The following CD200 variants were observed in gnomAD, a reference collection of about 807,000 sequenced individuals.
CD200 encodes OX-2 membrane glycoprotein.
Under a neutral mutation model 30.9 loss-of-function variants are expected in CD200, and 15 were observed. That is an observed-to-expected ratio of 0.49 (90% CI 0.32 to 0.75). CD200 has a LOEUF of 0.75. Ranked by LOEUF, CD200 falls within the 30% of genes least tolerant of loss-of-function variation. The pLI is 0.03. For synonymous variants in CD200, 134 were observed against 126.2 expected (o/e 1.06, Z -0.41); for missense variants, 262 against 324.2 (o/e 0.81, Z 1.47).
Position 112,345,007 on chromosome 3 carries a change from C to T in CD200, c.140C>T (p.Ala47Val). 6.2e-7 allele frequency: 1 copy of T among 1,614,062 alleles called. No homozygotes were observed. The highest frequency in any genetic ancestry group is 8.5e-7 in the Non-Finnish European group (1 of 1,179,962). The part of the protein sequence containing the change: ...QDEREQLYTP[A>V]SLKCSLQNAQ... ...GAAAGAGAGCAGCTGTACACACCTG[C>T]TTCCTTAAAATGCTCTCTGCAAAAT... The change falls in exon 3 of 6, where the codon GCT becomes GTT. Residue 47 changes from alanine (A) to valine (V), a missense_variant. Coordinates refer to ENST00000315711, the MANE Select transcript of CD200 (RefSeq NM_005944.7).
intron 5 of CD200, among the ~76,000 whole-genome samples, chr3:112,360,959 T>C (rs1204450681): frequency 6.6e-6 from 1 of 152,240 alleles, no homozygotes; most frequent in African/African-American, 2.4e-5. Flanking sequence ...TCTTAGGTGA[T>C]TTTCTAAACC....
chr3:112,333,730 A>C (rs1483658216), intron 1 of CD200: 2 of 985,290 alleles, frequency 2.0e-6, no homozygotes, highest in Non-Finnish European at 2.4e-6. Context: ...CCTCTTTGTT[A>C]TGCAGCCCCT....
intron 2 of CD200, among the ~76,000 whole-genome samples, chr3:112,343,704 G>A (rs2081320911): frequency 6.6e-6 from 1 of 151,820 alleles, no homozygotes; most frequent in Non-Finnish European, 1.5e-5. Flanking sequence ...TTTTTTCTTT[G>A]TAATTCTATT....
intron 4 of CD200, among the ~76,000 whole-genome samples, chr3:112,348,977 A>T (rs111268897): frequency 0.13 from 19,222 of 152,100 alleles, 1,515 homozygotes; most frequent in South Asian, 0.27. Flanking sequence ...TTACCAAAAA[A>T]CTTCCATGCT....
intron 5 of CD200, among the ~76,000 whole-genome samples, chr3:112,358,084 A>G (rs1044928585): frequency 1.3e-5 from 2 of 151,986 alleles, no homozygotes; most frequent in Admixed American, 1.3e-4. Context: ...ACACACGCGC[A>G]CACACACGCA....
At chr3:112,341,092 T>G in intron 2 of CD200, 109 bp downstream of exon 2, 1 of 675,558 alleles carries the variant, frequency 1.5e-6, no homozygotes, top group Non-Finnish European at 2.6e-6. Flanking sequence ...TCTGCATGAA[T>G]TATTTAAGCA....
intron 2 of CD200, among the ~76,000 whole-genome samples, chr3:112,341,770 T>C (rs1464366086): frequency 1.3e-5 from 2 of 152,176 alleles, no homozygotes; most frequent in Non-Finnish European, 2.9e-5. Flanking sequence ...CATCTAAGAG[T>C]TGAACTCTAG....
upstream of CD200, chr3:112,332,947 G>A (rs2081028497): frequency 5.6e-6 from 3 of 534,228 alleles, no homozygotes; most frequent in Admixed American, 1.1e-4. Flanking sequence ...CAAACACTTT[G>A]TCAGTTTCCC....
At chr3:112,346,433 C>A (rs1270315490) in intron 3 of CD200, among the ~76,000 whole-genome samples, 1 of 151,888 alleles carries the variant, frequency 6.6e-6, no homozygotes, top group Non-Finnish European at 1.5e-5. Context: ...AAGCAGATGT[C>A]TCTGAGCTTT....
intron 5 of CD200, among the ~76,000 whole-genome samples, chr3:112,351,136 G>C (rs1488858074): frequency 6.6e-6 from 1 of 152,162 alleles, no homozygotes; most frequent in African/African-American, 2.4e-5. Flanking sequence ...GAAGCCCAGA[G>C]AGGAAAGCTG....
At chr3:112,359,801 C>A (rs564251788) in intron 5 of CD200, among the ~76,000 whole-genome samples, 1 of 151,980 alleles carries the variant, frequency 6.6e-6, no homozygotes, top group African/African-American at 2.4e-5. Context: ...TATTAAAACA[C>A]GAGATTTTAG....
chr3:112,359,240 C>CT lies in CD200; in HGVS notation c.803-2296dup, dbSNP rs534101463. Among the ~76,000 whole-genome samples, 1,286 of 151,926 alleles carry CT rather than the reference C, an allele frequency of 8.5e-3. 11 individuals carry two copies. Among genetic ancestry groups the CT allele is most frequent in the African/African-American group, 0.023 (936 of 41,398 alleles). Reference sequence around the variant, plus strand: ...TTCAAAGTCAGGCTTAATTTAAGAGCTTTTTTTAAAAAAAACAGACAAACA... The same window carrying CT: ...TTCAAAGTCAGGCTTAATTTAAGAGCTTTTTTTTAAAAAAAACAGACAAACA... On this transcript the variant is annotated intron_variant, in intron 5 of 5. Coordinates refer to ENST00000315711, the MANE Select transcript of CD200 (RefSeq NM_005944.7).
chr3:112,361,665 G>A lies in CD200; in HGVS notation c.*115G>A. ...AGGACCTGAAAGAGCAAAAGAGGTG[G>A]GAGCGAAAGCCTTAAGGATCCCACG... is the stretch of plus-strand genomic sequence containing the variant. On this transcript the variant is annotated 3_prime_UTR_variant, in exon 6 of 6. Coordinates refer to ENST00000315711, the MANE Select transcript of CD200 (RefSeq NM_005944.7). 3 of 958,602 alleles carry A rather than the reference G, an allele frequency of 3.1e-6. No homozygotes were observed. The highest frequency in any genetic ancestry group is 1.3e-5 in the South Asian group (1 of 76,366). 59.4% of individuals were successfully genotyped at this position (958,602 alleles called of 1,614,324 possible). A position where few individuals can be genotyped will look rare whatever the true frequency, so the allele number is the denominator to read the frequency against.
intron 3 of CD200, among the ~76,000 whole-genome samples, chr3:112,347,176 C>G (rs2081416402): frequency 1.3e-5 from 2 of 152,154 alleles, no homozygotes; most frequent in African/African-American, 4.8e-5. Context: ...TATTGTCAAG[C>G]CATTTAAGAG....
chr3:112,355,339 T>C (rs966262715), intron 5 of CD200, among the ~76,000 whole-genome samples: 17 of 152,246 alleles, frequency 1.1e-4, no homozygotes, highest in African/African-American at 4.1e-4. Context: ...TGCAAAAGCA[T>C]CACTTCTGCT....
Position 112,361,972 on chromosome 3 carries a change from GA to G in CD200, c.*431del, listed in dbSNP as rs878934905. 10 of 160,428 alleles carry G rather than the reference GA, an allele frequency of 6.2e-5. No individual in the cohort carries two copies. Among genetic ancestry groups the G allele is most frequent in the South Asian group, 2.0e-4 (1 of 5,012 alleles). 9.9% of individuals were successfully genotyped at this position (160,428 alleles called of 1,614,324 possible). ...AAACTTAATTTAAAATGTAATTCCAGAAAAAAAAAGGGAATAAGCAAAGGGG... is the reference window on the plus strand; with the variant it reads ...AAACTTAATTTAAAATGTAATTCCAGAAAAAAAAGGGAATAAGCAAAGGGG... On this transcript the variant is annotated 3_prime_UTR_variant, in exon 6 of 6. Transcript: ENST00000315711.
At chr3:112,343,856 C>CT (rs2081324728) in intron 2 of CD200, among the ~76,000 whole-genome samples, 3 of 151,926 alleles carry the variant, frequency 2.0e-5, no homozygotes, top group Admixed American at 6.5e-5. Context: ...GTCTTCCATT[C>CT]TTTTTTTTCT....
intron 1 of CD200, among the ~76,000 whole-genome samples, chr3:112,334,558 A>T (rs2081070305): frequency 6.6e-6 from 1 of 152,156 alleles, no homozygotes; most frequent in African/African-American, 2.4e-5. Context: ...GGAGCTTTAT[A>T]TACTACTTCA....
intron 2 of CD200, among the ~76,000 whole-genome samples, chr3:112,344,508 T>C (rs1321076320): frequency 6.6e-6 from 1 of 152,180 alleles, no homozygotes; most frequent in Non-Finnish European, 1.5e-5. Flanking sequence ...GTAGATTGTG[T>C]ATGTGTGTGT....
Sources: gnomAD v4.1 joint callset for allele counts (sites outside exome capture counted in the v4.1 genomes callset) on GRCh38, gnomAD v4.1.1 for gene constraint, MANE v1.5 for transcripts, NCBI Gene and HGNC (gene_info 2026-07-23, HGNC 2026-07-21) for gene names.